TPCN1: variants seen among roughly 807,000 people sequenced by gnomAD.
TPCN1 encodes the protein two pore channel protein 1.
Under a neutral mutation model 108.8 loss-of-function variants are expected in TPCN1, and 52 were observed. That is an observed-to-expected ratio of 0.48 (90% CI 0.38 to 0.60). TPCN1 has a LOEUF of 0.60. Ranked by LOEUF, TPCN1 falls within the 20% of genes least tolerant of loss-of-function variation. TPCN1 has a pLI of 0.00. For synonymous variants in TPCN1, 446 were observed against 433.7 expected (o/e 1.03, Z -0.35); for missense variants, 806 against 1,072.8 (o/e 0.75, Z 3.47).
intron 2 of TPCN1, among the ~76,000 whole-genome samples, chr12:113,230,518 A>G (rs2136441307): frequency 6.6e-6 from 1 of 152,030 alleles, no homozygotes; most frequent in East Asian, 1.9e-4. Context: ...TCCCCACGTG[A>G]TTGTCCCTGA....
chr12:113,237,798 G>A (rs1309300629), intron 2 of TPCN1, among the ~76,000 whole-genome samples: 4 of 152,228 alleles, frequency 2.6e-5, no homozygotes, highest in Non-Finnish European at 5.9e-5. Context: ...ATTGGGCATG[G>A]AGGAAGCAGC....
chr12:113,221,960 A>T (rs1953250250), intron 1 of TPCN1, among the ~76,000 whole-genome samples: 1 of 152,104 alleles, frequency 6.6e-6, no homozygotes, highest in Non-Finnish European at 1.5e-5. Flanking sequence ...GTGACCCCAC[A>T]GGAGTCTTGT....
intron 12 of TPCN1, among the ~76,000 whole-genome samples, 176 bp from the exon 13 acceptor site, chr12:113,278,013 G>T (rs1482462065): frequency 6.6e-6 from 1 of 152,158 alleles, no homozygotes; most frequent in Non-Finnish European, 1.5e-5. Context: ...GGTCAGAGGA[G>T]ATCCAAACGC....
At chr12:113,238,665 A>G (rs951365560) in intron 2 of TPCN1, among the ~76,000 whole-genome samples, 1 of 152,218 alleles carries the variant, frequency 6.6e-6, no homozygotes, top group Admixed American at 6.5e-5. Flanking sequence ...GTGTTTCCAC[A>G]GTCTCTCATT....
At chr12:113,281,415 G>A (rs1200388283) in intron 15 of TPCN1, among the ~76,000 whole-genome samples, 2 of 152,152 alleles carry the variant, frequency 1.3e-5, no homozygotes, top group Non-Finnish European at 2.9e-5. Context: ...TAAATATCCA[G>A]GTTCCCAACT....
chr12:113,248,083 T>C (rs1954472391), intron 2 of TPCN1, among the ~76,000 whole-genome samples: 1 of 152,254 alleles, frequency 6.6e-6, no homozygotes, highest in South Asian at 2.1e-4. Context: ...GAAAGGTTTT[T>C]ACAAATACAA....
Position 113,273,724 on chromosome 12 carries a change from C to A in TPCN1, c.942+56C>A. 1.5e-6 allele frequency: 2 copies of A among 1,373,796 alleles called. No individual in the cohort carries two copies. The highest frequency in any genetic ancestry group is 2.1e-6 in the Non-Finnish European group (2 of 963,544). The allele number at this position is 1,373,796 out of a possible 1,614,324, so 85.1% of individuals were successfully genotyped here. On this transcript the variant is annotated intron_variant, in intron 10 of 27. Coordinates refer to ENST00000335509, the MANE Select transcript of TPCN1 (RefSeq NM_017901.6). The surrounding 1 kb of genome is among the most constrained non-coding windows in gnomAD (Gnocchi z 4.0). ...GCAGCCTGCCCCTACCCATGCAGCA[C>A]TAGGCACTGTGGGAGTGGAGAAGTG...
intron 27 of TPCN1, chr12:113,294,293 C>G (rs995521058): frequency 6.6e-6 from 1 of 152,180 alleles, no homozygotes; most frequent in African/African-American, 2.4e-5. Context: ...GGGTCTCAAA[C>G]TCCTGGTCTC....
chr12:113,290,112 C>T lies in TPCN1; in HGVS notation c.1797-16C>T, dbSNP rs1335392917. The T allele has an allele frequency of 1.9e-5, 29 of 1,545,498 alleles. No individual in the cohort carries two copies. Among genetic ancestry groups the T allele is most frequent in the Middle Eastern group, 4.3e-4 (2 of 4,618 alleles). On this transcript the variant is annotated splice_polypyrimidine_tract_variant and intron_variant, in intron 21 of 27. Coordinates refer to ENST00000335509, the MANE Select transcript of TPCN1 (RefSeq NM_017901.6). The stretch of plus-strand genomic sequence containing the variant: ...CCTTGTGACCCTCCCTCCTTTCTCC[C>T]TTGTGCTCCGGCCAGCACGAGTACA...
rs1294630735 is a variant in TPCN1 at position 113,272,138 on chromosome 12, G to A, written c.749-520G>A. On this transcript the variant is annotated intron_variant, in intron 7 of 27. Coordinates refer to ENST00000335509, the MANE Select transcript of TPCN1 (RefSeq NM_017901.6). This position sits in a 1 kb window ranked among gnomAD's most constrained non-coding sequence, Gnocchi z 4.1. ...GGGGTAGGGGCTGATTTCCCCTGAG[G>A]GCAGAGTTCCTCCCTTTTCCCACTC... is the stretch of plus-strand genomic sequence containing the variant. Among the ~76,000 whole-genome samples, 4 of 152,162 alleles carry A rather than the reference G, an allele frequency of 2.6e-5. No homozygotes were observed. The highest frequency in any genetic ancestry group is 5.9e-5 in the Non-Finnish European group (4 of 68,026).
chr12:113,254,929 C>G (rs1478149633), intron 2 of TPCN1, among the ~76,000 whole-genome samples: 2 of 152,230 alleles, frequency 1.3e-5, no homozygotes, highest in Non-Finnish European at 2.9e-5. Flanking sequence ...CGAGAAACTT[C>G]TAGCTTACAT....
At position 113,241,418 on chromosome 12, in the gene TPCN1, G is replaced by T. The variant is rs528671422; in HGVS notation, c.112+14454G>T. ...CCAGTGTTCATGGAAGCCGGGTCCAGCCAGCCCCCAGGTGTTTCTGGTTAA... is the reference window on the plus strand; with the variant it reads ...CCAGTGTTCATGGAAGCCGGGTCCATCCAGCCCCCAGGTGTTTCTGGTTAA... On this transcript the variant is annotated intron_variant, in intron 2 of 27. Coordinates refer to ENST00000335509, the MANE Select transcript of TPCN1 (RefSeq NM_017901.6). 5.3e-5 allele frequency among the ~76,000 whole-genome samples: 8 copies of T among 152,352 alleles called. No individual in the cohort carries two copies. In the South Asian group the frequency reaches 1.7e-3, roughly 32 times the overall value.
intron 3 of TPCN1, among the ~76,000 whole-genome samples, chr12:113,263,229 A>C (rs1955110048): frequency 6.6e-6 from 1 of 152,162 alleles, no homozygotes; most frequent in African/African-American, 2.4e-5. Flanking sequence ...AAAAACTTGG[A>C]TTTCACAGTC....
chr12:113,254,822 A>C (rs1283415217), intron 2 of TPCN1, among the ~76,000 whole-genome samples: 1 of 152,236 alleles, frequency 6.6e-6, no homozygotes, highest in Non-Finnish European at 1.5e-5. Context: ...AAGTAGACAC[A>C]GAAAGTGTTT....
intron 2 of TPCN1, among the ~76,000 whole-genome samples, chr12:113,241,779 T>TGC (rs1403549577): frequency 1.3e-5 from 2 of 151,048 alleles, no homozygotes; most frequent in Non-Finnish European, 2.9e-5. Flanking sequence ...TGTGTGTGTG[T>TGC]GTGTGTGTGT....
At chr12:113,270,503 C>T (rs1357425857) in intron 7 of TPCN1, among the ~76,000 whole-genome samples, 20 of 149,602 alleles carry the variant, frequency 1.3e-4, no homozygotes, top group African/African-American at 4.7e-4. Context: ...TTTTTTGAGA[C>T]GGAGTCTCAC....
At chr12:113,241,531 A>ACTTGTT (rs1205390386) in intron 2 of TPCN1, among the ~76,000 whole-genome samples, 1 of 152,182 alleles carries the variant, frequency 6.6e-6, no homozygotes, top group Non-Finnish European at 1.5e-5. Context: ...CTCAAGCCAA[A>ACTTGTT]CTTGTTCTTC....
chr12:113,284,068 A>G lies in TPCN1; in HGVS notation c.1343-513A>G, dbSNP rs73192836. 0.059 allele frequency among the ~76,000 whole-genome samples: 9,007 copies of G among 152,272 alleles called. 360 individuals are homozygous for G. Among genetic ancestry groups the G allele is most frequent in the Middle Eastern group, 0.071 (21 of 294 alleles). ...ACTGATGATCATTGAGATTGTTGCC[A>G]GTGTTTTGCTATCACAATAGTGCTG... On this transcript the variant is annotated intron_variant, in intron 15 of 27. Transcript: ENST00000335509. This position sits in a 1 kb window ranked among gnomAD's most constrained non-coding sequence, Gnocchi z 4.1.
intron 4 of TPCN1, among the ~76,000 whole-genome samples, chr12:113,267,556 G>A (rs573364165): frequency 3.9e-5 from 6 of 152,084 alleles, no homozygotes; most frequent in South Asian, 2.1e-4. Context: ...GCGCCACCAC[G>A]CCCAGCTAAT....
Sources: allele counts gnomAD v4.1 joint callset (sites outside exome capture counted in the v4.1 genomes callset), GRCh38; gene constraint gnomAD v4.1.1; non-coding constraint Gnocchi (gnomAD v3.1); transcripts MANE v1.5; gene names NCBI Gene and HGNC (gene_info 2026-07-23, HGNC 2026-07-21).